The following DYNC2H1 variants were observed in gnomAD, a reference collection of about 807,000 sequenced individuals.
The protein encoded by DYNC2H1 is cytoplasmic dynein 2 heavy chain 1.
A neutral mutation model predicts 570.0 loss-of-function variants in DYNC2H1; 410 were observed. The ratio of observed to expected loss-of-function variants is 0.72; its 90% CI spans 0.66 to 0.78. The LOEUF (loss-of-function observed/expected upper bound fraction) is 0.78, where lower values mean the gene tolerates loss of function less well. DYNC2H1 is among the 30% of genes least tolerant of loss of function. The pLI is 0.00. For synonymous variants in DYNC2H1, 1,688 were observed against 1,677.6 expected (o/e 1.01, Z -0.15); for missense variants, 4,865 against 5,046.4 (o/e 0.96, Z 1.09).
chr11:103,208,527 C>G (rs1863025341), intron 52 of DYNC2H1, among the ~76,000 whole-genome samples: 2 of 152,094 alleles, frequency 1.3e-5, no homozygotes, highest in South Asian at 4.2e-4. Context: ...ACAGAGAGTT[C>G]ATGTGGCTGC....
rs1862811956 is a variant in DYNC2H1 at position 103,203,759 on chromosome 11, T to G, written c.8294T>G (p.Phe2765Cys). ...ASQDGFFGPV[F>C]NYFTYRIQQN... Reference sequence around the variant, plus strand: ...CAAGATGGTTTTTTTGGACCAGTCTTCAATTACTTCACATATAGTAAGTGA... The same window carrying G: ...CAAGATGGTTTTTTTGGACCAGTCTGCAATTACTTCACATATAGTAAGTGA... Residue 2765 changes from phenylalanine to cysteine, a missense_variant, in exon 51 of 89, where the codon TTC (phenylalanine) becomes TGC (cysteine). Physicochemically the swap from Phe to Cys is radical, Grantham distance 205 (BLOSUM62 -2). Coordinates refer to ENST00000375735, the MANE Select transcript of DYNC2H1 (RefSeq NM_001377.3). The surrounding 1 kb of genome is among the most constrained non-coding windows in gnomAD (Gnocchi z 4.7). 1 of 1,607,010 alleles carries G rather than the reference T, an allele frequency of 6.2e-7. No homozygotes were observed. Among genetic ancestry groups the G allele is most frequent in the Non-Finnish European group, 8.5e-7 (1 of 1,176,032 alleles).
At chr11:103,332,703 G>A (rs1429157497) in intron 82 of DYNC2H1, among the ~76,000 whole-genome samples, 16 of 152,172 alleles carry the variant, frequency 1.1e-4, no homozygotes, top group Non-Finnish European at 2.9e-5. Context: ...CTTTCAAAAT[G>A]AAGTCAAGTC....
At chr11:103,389,804 G>GT (rs1470952375) in intron 83 of DYNC2H1, among the ~76,000 whole-genome samples, 49 of 152,180 alleles carry the variant, frequency 3.2e-4, no homozygotes, top group African/African-American at 1.1e-3. Context: ...TAATTGAGTG[G>GT]TTTTGAGTGA....
chr11:103,112,596 A>G (rs1344815239), intron 1 of DYNC2H1, among the ~76,000 whole-genome samples: 2 of 152,238 alleles, frequency 1.3e-5, no homozygotes, highest in Non-Finnish European at 2.9e-5. Context: ...GATTTCATAT[A>G]CTTTTCATGT....
chr11:103,224,691 A>G (rs1863736177), intron 59 of DYNC2H1, among the ~76,000 whole-genome samples: 1 of 152,144 alleles, frequency 6.6e-6, no homozygotes, highest in Non-Finnish European at 1.5e-5. Flanking sequence ...TGCCATTGCA[A>G]TTTGTGCTGC....
intron 84 of DYNC2H1, among the ~76,000 whole-genome samples, chr11:103,413,798 C>G (rs1943178789): frequency 6.6e-6 from 1 of 152,082 alleles, no homozygotes; most frequent in East Asian, 1.9e-4. Context: ...AAAAAGGGGC[C>G]TGCATATAAC....
At chr11:103,120,647 TTAAAAAATA>T (rs1446570428) in intron 7 of DYNC2H1, 33 bp from the exon 8 acceptor site, 2 of 1,599,348 alleles carry the variant, frequency 1.3e-6, no homozygotes, top group Non-Finnish European at 1.7e-6. Context: ...AAAGACAGAT[TTAAAAAATA>T]CTAAAGTCTA....
chr11:103,339,495 T>G (rs1939331628), intron 82 of DYNC2H1, among the ~76,000 whole-genome samples: 1 of 152,206 alleles, frequency 6.6e-6, no homozygotes, highest in Non-Finnish European at 1.5e-5. Context: ...ACTGAAGGCT[T>G]TAGGATTCTC....
intron 84 of DYNC2H1, among the ~76,000 whole-genome samples, chr11:103,425,353 A>G (rs144077627): frequency 6.6e-6 from 1 of 152,256 alleles, no homozygotes; most frequent in African/African-American, 2.4e-5. Context: ...GGGTGCCAGC[A>G]TGGTTGGGTT....
intron 75 of DYNC2H1, among the ~76,000 whole-genome samples, chr11:103,301,305 G>A (rs313379): frequency 0.15 from 23,243 of 151,792 alleles, 2,054 homozygotes; most frequent in African/African-American, 0.24. Flanking sequence ...ATGCTTCTGC[G>A]TCCATATCCT....
chr11:103,298,149 G>T (rs1866909750), intron 75 of DYNC2H1, among the ~76,000 whole-genome samples: 1 of 152,068 alleles, frequency 6.6e-6, no homozygotes, highest in Non-Finnish European at 1.5e-5. Context: ...CTTACCCTCA[G>T]ATCTTATCTC....
intron 52 of DYNC2H1, among the ~76,000 whole-genome samples, chr11:103,206,220 C>A (rs1407563161): frequency 1.3e-5 from 2 of 152,186 alleles, no homozygotes; most frequent in East Asian, 3.9e-4. Flanking sequence ...GTCAATGATC[C>A]TTCTGAATAT....
chr11:103,320,357 G>A (rs562353813), intron 80 of DYNC2H1, among the ~76,000 whole-genome samples: 9 of 152,186 alleles, frequency 5.9e-5, no homozygotes, highest in South Asian at 4.2e-4. Flanking sequence ...AGCTGAGATC[G>A]CGTCATTGCA....
intron 88 of DYNC2H1, among the ~76,000 whole-genome samples, chr11:103,473,595 G>C (rs192627750): frequency 6.6e-6 from 1 of 152,216 alleles, no homozygotes; most frequent in African/African-American, 2.4e-5. Context: ...TCTCTGAGAA[G>C]TCCCAAAGAT....
At chr11:103,233,870 GTGTGTGTGGGTT>G (rs1221620864) in intron 60 of DYNC2H1, among the ~76,000 whole-genome samples, 152 bp from the exon 61 acceptor site, 1 of 92,868 alleles carries the variant, frequency 1.1e-5, no homozygotes, top group Non-Finnish European at 2.5e-5. Context: ...GTGTGTGTGT[GTGTGTGTGGGTT>G]TGTCTCTTCT....
Position 103,185,161 on chromosome 11 carries a change from G to C in DYNC2H1, c.6633+110G>C, listed in dbSNP as rs1862017701. On this transcript the variant is annotated intron_variant, in intron 41 of 88. Coordinates refer to ENST00000375735, the MANE Select transcript of DYNC2H1 (RefSeq NM_001377.3). This position sits in a 1 kb window ranked among gnomAD's most constrained non-coding sequence, Gnocchi z 4.5. ...GTAAGATATGGAACTTTTAAAATTT[G>C]AAATTATGTATTCAATTGAGTAATA... 3 of 951,006 alleles carry C rather than the reference G, an allele frequency of 3.2e-6. No homozygotes were observed. The allele number at this position is 951,006 out of a possible 1,614,324, so 58.9% of individuals were successfully genotyped here.
intron 84 of DYNC2H1, among the ~76,000 whole-genome samples, chr11:103,423,088 C>A (rs1943544235): frequency 6.6e-6 from 1 of 151,736 alleles, no homozygotes; most frequent in Non-Finnish European, 1.5e-5. Context: ...GAAGGTCTTA[C>A]ACTTTGTGAT....
chr11:103,153,259 A>G (rs1273792817), intron 21 of DYNC2H1, 44 bp from the exon 22 acceptor site: 1 of 1,461,020 alleles, frequency 6.8e-7, no homozygotes, highest in East Asian at 2.6e-5. Flanking sequence ...CCCAAAATGA[A>G]ATTTTACTCT....
At chr11:103,154,046 A>G (rs1204698127) in intron 22 of DYNC2H1, among the ~76,000 whole-genome samples, 2 of 151,904 alleles carry the variant, frequency 1.3e-5, no homozygotes, top group Non-Finnish European at 2.9e-5. Context: ...GATTAAGGAT[A>G]TCTTATACTC....
Sources: gnomAD v4.1 joint callset for allele counts (sites outside exome capture counted in the v4.1 genomes callset) on GRCh38, gnomAD v4.1.1 for gene constraint, Gnocchi (gnomAD v3.1) non-coding constraint, MANE v1.5 for transcripts, NCBI Gene and HGNC (gene_info 2026-07-23, HGNC 2026-07-21) for gene names.